Variants in UGT1A4 observed in about 807,000 individuals in gnomAD.
The protein encoded by UGT1A4 is UDP glucuronosyltransferase family 1 member A4.
In UGT1A4, 32 loss-of-function variants were observed where a neutral mutation model predicts 41.1. That is an observed-to-expected ratio of 0.78 (90% CI 0.59 to 1.05). The LOEUF is 1.05. Among genes scored for constraint, UGT1A4 ranks in the 50% least tolerant of loss-of-function variants. The pLI, the probability that UGT1A4 is intolerant of heterozygous loss-of-function variation, is 0.00. For synonymous variants in UGT1A4, 283 were observed against 265.1 expected (o/e 1.07, Z -0.66); for missense variants, 748 against 677.4 (o/e 1.10, Z -1.16).
At position 233,718,744 on chromosome 2, in the gene UGT1A4, G is replaced by A. The variant is rs545172755; in HGVS notation, c.-77G>A. 901 of 1,612,042 alleles carry A rather than the reference G, an allele frequency of 5.6e-4. 10 individuals carry two copies. The South Asian group carries it at 9.2e-3, about 16-fold the overall frequency. On this transcript the variant is annotated 5_prime_UTR_variant, in exon 1 of 5. Transcript: ENST00000373409. ...GATTTGCTAGGTGGCTCAATGACAA[G>A]GTAATTAAGGCGAAGGAAACAAATG...
intron 1 of UGT1A4, among the ~76,000 whole-genome samples, chr2:233,737,048 T>C (rs764914717): frequency 2.0e-5 from 3 of 152,226 alleles, no homozygotes; most frequent in Admixed American, 6.5e-5. Flanking sequence ...AATGCCATAC[T>C]AGGAGAACGA....
At chr2:233,752,001 G>A (rs960464465) in intron 1 of UGT1A4, among the ~76,000 whole-genome samples, 26 of 152,178 alleles carry the variant, frequency 1.7e-4, no homozygotes, top group Admixed American at 1.3e-3. Flanking sequence ...TGAGAAAGTT[G>A]ATGAGAAAGT....
intron 1 of UGT1A4, chr2:233,729,363 C>A (rs747061628): frequency 6.2e-7 from 1 of 1,614,038 alleles, no homozygotes; most frequent in Admixed American, 1.7e-5. Context: ...CCCTGACAAC[C>A]TATGCCATTT....
chr2:233,767,285 T>C (rs1440125583), intron 2 of UGT1A4, 120 bp downstream of exon 2: 1 of 1,569,258 alleles, frequency 6.4e-7, no homozygotes, highest in Non-Finnish European at 8.6e-7. Flanking sequence ...CCCTGCCACT[T>C]CCCAACTATT....
rs28898618 is a variant in UGT1A4, at chr2:233,729,359, C to T, written c.867+9672C>T. ...AAAGAAGAGAACTTTTTCACCCTGA[C>T]AACCTATGCCATTTCGTGGACCCAG... is the stretch of plus-strand genomic sequence containing the variant. On this transcript the variant is annotated intron_variant, in intron 1 of 4. Transcript: ENST00000373409. 8.4e-4 allele frequency: 1,362 copies of T among 1,614,128 alleles called. 14 individuals are homozygous for T. The African/African-American group carries it at 0.016, about 19-fold the overall frequency.
intron 1 of UGT1A4, among the ~76,000 whole-genome samples, chr2:233,758,930 C>T (rs1427100702): frequency 6.6e-6 from 1 of 152,236 alleles, no homozygotes; most frequent in Non-Finnish European, 1.5e-5. Context: ...TCCCTTTTGA[C>T]TTCAAATCAG....
At chr2:233,747,795 CCTAAGTTA>C (rs2125887995) in intron 1 of UGT1A4, 1 of 1,613,516 alleles carries the variant, frequency 6.2e-7, no homozygotes, top group South Asian at 1.1e-5. Context: ...CTCCTATATT[CCTAAGTTA>C]CTAACGACCA....
At chr2:233,721,755 T>C in intron 1 of UGT1A4, 1 of 459,594 alleles carries the variant, frequency 2.2e-6, no homozygotes, top group Non-Finnish European at 4.3e-6. Flanking sequence ...AATCTACATC[T>C]AAATTGTTAT....
intron 1 of UGT1A4, among the ~76,000 whole-genome samples, chr2:233,757,535 A>AATATATATACATATACATATATAC (rs376887521): frequency 2.4e-4 from 21 of 88,296 alleles, no homozygotes; most frequent in African/African-American, 1.1e-3. Context: ...GCCTGTAAGG[A>AATATATATACATATACATATATAC]ATATATATAT....
chr2:233,735,710 G>A (rs2078686166), intron 1 of UGT1A4, among the ~76,000 whole-genome samples: 1 of 152,114 alleles, frequency 6.6e-6, no homozygotes, highest in Non-Finnish European at 1.5e-5. Context: ...GCCTGGTGGT[G>A]ACAAAATCTC....
In UGT1A4 at chr2:233,724,595, A is replaced by G. The variant is rs1396568061; in HGVS notation, c.867+4908A>G. Among the ~76,000 whole-genome samples, 12 of 124,834 alleles carry G rather than the reference A, an allele frequency of 9.6e-5. 2 individuals are homozygous for G. In the East Asian group the frequency reaches 3.1e-3, roughly 32 times the overall value. The allele number at this position is 124,834 out of a possible 152,430, so 81.9% of individuals were successfully genotyped here. A position where few individuals can be genotyped will look rare whatever the true frequency, so the allele number is the denominator to read the frequency against. ...GGCAGAGGCGCTCCCCACATCTCAG[A>G]CGATGGGCGGCCGGGCAGAGACGCT... On this transcript the variant is annotated intron_variant, in intron 1 of 4. Coordinates refer to ENST00000373409, the MANE Select transcript of UGT1A4 (RefSeq NM_007120.3).
At chr2:233,763,024 G>T (rs187872342) in intron 1 of UGT1A4, among the ~76,000 whole-genome samples, 17 of 152,244 alleles carry the variant, frequency 1.1e-4, no homozygotes, top group Middle Eastern at 3.4e-3. Flanking sequence ...CATTATGTTA[G>T]CCATTGTTTT....
intron 1 of UGT1A4, among the ~76,000 whole-genome samples, chr2:233,724,153 T>TG (rs1256567668): frequency 5.0e-4 from 26 of 52,120 alleles, no homozygotes; most frequent in African/African-American, 2.1e-3. Flanking sequence ...GCTGGCCGGG[T>TG]GGGGGGGCTG....
At chr2:233,752,965 A>C (rs1252890509) in intron 1 of UGT1A4, among the ~76,000 whole-genome samples, 1 of 152,202 alleles carries the variant, frequency 6.6e-6, no homozygotes, top group East Asian at 1.9e-4. Flanking sequence ...GATTTATGTA[A>C]CCAATTGTGT....
At position 233,744,394 on chromosome 2, in the gene UGT1A4, G is replaced by A. The variant is rs528448877; in HGVS notation, c.868-22640G>A. On this transcript the variant is annotated intron_variant, in intron 1 of 4. Coordinates refer to ENST00000373409, the MANE Select transcript of UGT1A4 (RefSeq NM_007120.3). ...TGCAGTTCTCCAACGTTCCAGCCCC[G>A]GTGCCCATTTGCTTTTGTTCATGTG... is the stretch of plus-strand genomic sequence containing the variant. 5.9e-5 allele frequency among the ~76,000 whole-genome samples: 9 copies of A among 151,928 alleles called. No homozygotes were observed. The South Asian group carries it at 6.2e-4, about 11-fold the overall frequency.
At position 233,719,477 on chromosome 2, in the gene UGT1A4, C is replaced by T; in HGVS notation, c.657C>T (p.Ala219=). ...TCAAGAACATGCTCTACCCTCTGGC[C>T]CTGTCCTACATTTGCCATACTTTTT... The part of the protein sequence containing the change: ...QRVKNMLYPL[A]LSYICHTFSA... Residue 219 remains alanine, a synonymous_variant, in exon 1 of 5, where the codon GCC becomes GCT. Transcript: ENST00000373409. The T allele has an allele frequency of 3.1e-6, 5 of 1,613,988 alleles. No individual in the cohort carries two copies. Among genetic ancestry groups the T allele is most frequent in the East Asian group, 4.5e-5 (2 of 44,888 alleles).
Position 233,724,632 on chromosome 2 carries a change from A to G in UGT1A4, c.867+4945A>G, listed in dbSNP as rs1200392360. On this transcript the variant is annotated intron_variant, in intron 1 of 4. Transcript: ENST00000373409. ...CGGGCAGAGACGCTCCTCACTTCCT[A>G]GATGTGATGGCGGCTGGGAAGAGGC... Among the ~76,000 whole-genome samples, 15 of 136,662 alleles carry G rather than the reference A, an allele frequency of 1.1e-4. 1 individual carries two copies. Among genetic ancestry groups the G allele is most frequent in the Non-Finnish European group, 2.0e-4 (13 of 64,126 alleles). 89.7% of individuals were successfully genotyped at this position (136,662 alleles called of 152,430 possible).
At chr2:233,730,738 C>A (rs998277069) in intron 1 of UGT1A4, among the ~76,000 whole-genome samples, 1 of 152,038 alleles carries the variant, frequency 6.6e-6, no homozygotes, top group Non-Finnish European at 1.5e-5. Flanking sequence ...GCGGAAGGGG[C>A]TAGGGAGGAG....
At chr2:233,745,293 G>A (rs759714451) in intron 1 of UGT1A4, among the ~76,000 whole-genome samples, 20 of 151,866 alleles carry the variant, frequency 1.3e-4, no homozygotes, top group African/African-American at 4.4e-4. Flanking sequence ...GGGGATAAAC[G>A]TGGGATGCAG....
Sources: allele counts gnomAD v4.1 joint callset (sites outside exome capture counted in the v4.1 genomes callset), GRCh38; gene constraint gnomAD v4.1.1; transcripts MANE v1.5; gene names NCBI Gene and HGNC (gene_info 2026-07-23, HGNC 2026-07-21).